The following RAB1B variants were observed in gnomAD, a reference collection of about 807,000 sequenced individuals.
RAB1B encodes the protein ras-related protein Rab-1B.
A neutral mutation model predicts 24.8 loss-of-function variants in RAB1B; 10 were observed. The ratio of observed to expected loss-of-function variants is 0.40; its 90% confidence interval spans 0.25 to 0.68. The LOEUF (loss-of-function observed/expected upper bound fraction) is 0.68, where lower values mean the gene tolerates loss of function less well. Ranked by LOEUF, RAB1B falls within the 30% of genes least tolerant of loss-of-function variation. The pLI, the probability that RAB1B is intolerant of heterozygous loss-of-function variation, is 0.37. For missense variants in RAB1B, 154 were observed against 271.2 expected (o/e 0.57, Z 3.04); for synonymous variants, 99 against 111.7 (o/e 0.89, Z 0.72).
In RAB1B at chr11:66,276,032, C is replaced by T. The variant is rs766913898; in HGVS notation, c.412-12C>T. 1.2e-6 allele frequency: 2 copies of T among 1,611,178 alleles called. No individual in the cohort carries two copies. The highest frequency in any genetic ancestry group is 2.7e-5 in the African/African-American group (2 of 74,878). ...CTTCTCTCCCCTCCTCTTCTCTCCT[C>T]TCCCTTGTCAGGAGTTTGCAGACTC... On this transcript the variant is annotated splice_polypyrimidine_tract_variant and intron_variant, in intron 5 of 5. Coordinates refer to ENST00000311481, the MANE Select transcript of RAB1B (RefSeq NM_030981.3).
intron 4 of RAB1B, 85 bp from the exon 5 acceptor site, chr11:66,275,719 G>C (rs1465146485): frequency 5.4e-5 from 78 of 1,450,918 alleles, no homozygotes; most frequent in Non-Finnish European, 1.2e-5. Context: ...GAGCTGTACT[G>C]TTCCCCTCAG....
In RAB1B at chr11:66,271,955, C is replaced by T; in HGVS notation, c.87+86C>T. On this transcript the variant is annotated intron_variant, in intron 2 of 5. Transcript: ENST00000311481. ...GGGACAACACAGAGCACAGTAGTTGCAAGATCTGGGAACCAGGGGTGAAGC... is the reference window on the plus strand; with the variant it reads ...GGGACAACACAGAGCACAGTAGTTGTAAGATCTGGGAACCAGGGGTGAAGC... 2.6e-6 allele frequency: 3 copies of T among 1,175,470 alleles called. No individual in the cohort carries two copies. The Admixed American group carries it at 5.1e-5, about 20-fold the overall frequency. 72.8% of individuals were successfully genotyped at this position (1,175,470 alleles called of 1,614,324 possible).
At chr11:66,271,195 G>C (rs1302427051) in intron 1 of RAB1B, 2 of 152,042 alleles carry the variant, frequency 1.3e-5, no homozygotes, top group Non-Finnish European at 2.9e-5. Flanking sequence ...AAAATGAAAA[G>C]ATTAGCCAGG....
chr11:66,277,291 C>G lies in RAB1B; in HGVS notation c.*1053C>G, dbSNP rs1242101621. The G allele has an allele frequency of 6.5e-6, 1 of 152,756 alleles. No individual in the cohort carries two copies. Among genetic ancestry groups the G allele is most frequent in the African/African-American group, 2.4e-5 (1 of 41,460 alleles). 9.5% of individuals were successfully genotyped at this position (152,756 alleles called of 1,614,324 possible). A position where few individuals can be genotyped will look rare whatever the true frequency, so the allele number is the denominator to read the frequency against. Reference sequence around the variant, plus strand: ...CCATGTCCCTCGTGCTGTCTCTTGCCTGTCCCACCTGTGCCCTGCCCTCCA... The same window carrying G: ...CCATGTCCCTCGTGCTGTCTCTTGCGTGTCCCACCTGTGCCCTGCCCTCCA... On this transcript the variant is annotated 3_prime_UTR_variant, in exon 6 of 6. Coordinates refer to ENST00000311481, the MANE Select transcript of RAB1B (RefSeq NM_030981.3).
intron 4 of RAB1B, among the ~76,000 whole-genome samples, chr11:66,273,003 T>C (rs1267712745): frequency 6.6e-6 from 1 of 152,174 alleles, no homozygotes; most frequent in Non-Finnish European, 1.5e-5. Flanking sequence ...TGAAACCTTA[T>C]AGTTTACAGA....
At chr11:66,271,707 T>G in intron 1 of RAB1B, 90 bp from the exon 2 acceptor site, 1 of 888,084 alleles carries the variant, frequency 1.1e-6, no homozygotes, top group Non-Finnish European at 1.9e-6. Flanking sequence ...GGATGCCTCA[T>G]GGGGTGGGGG....
intron 4 of RAB1B, 137 bp downstream of exon 4, chr11:66,272,597 G>GA (rs986905001): frequency 1.2e-4 from 66 of 573,280 alleles, no homozygotes; most frequent in African/African-American, 1.1e-3. Flanking sequence ...AACTAACTAG[G>GA]AAAAAGAAAA....
intron 1 of RAB1B, among the ~76,000 whole-genome samples, chr11:66,269,240 C>T (rs1857009774): frequency 6.6e-6 from 1 of 152,232 alleles, no homozygotes; most frequent in East Asian, 1.9e-4. Context: ...TCCGGGGCTG[C>T]CTCCTACCCT....
rs1856981689 is a variant in RAB1B, at chr11:66,268,649, G to A, written c.-31G>A. 2 of 1,560,338 alleles carry A rather than the reference G, an allele frequency of 1.3e-6. No individual in the cohort carries two copies. The highest frequency in any genetic ancestry group is 1.7e-6 in the Non-Finnish European group (2 of 1,154,708). The stretch of plus-strand genomic sequence containing the variant: ...AACGGGAGGCGGAGCAGAGTCGACT[G>A]GGAGCGACCGAGCGGGCCGCCGCCG... On this transcript the variant is annotated 5_prime_UTR_variant, in exon 1 of 6. Coordinates refer to ENST00000311481, the MANE Select transcript of RAB1B (RefSeq NM_030981.3).
intron 1 of RAB1B, chr11:66,271,538 T>A (rs367986565): frequency 1.1e-4 from 29 of 260,100 alleles, no homozygotes; most frequent in East Asian, 5.9e-4. Context: ...GTGGTGGTGG[T>A]GGACACCTGA....
chr11:66,275,997 C>T (rs761384594), intron 5 of RAB1B, 47 bp from the exon 6 acceptor site: 2 of 1,588,432 alleles, frequency 1.3e-6, no homozygotes, highest in South Asian at 2.2e-5. Flanking sequence ...CTCACCTGCT[C>T]TCCCCTCCTC....
chr11:66,271,039 A>G (rs1420482353), intron 1 of RAB1B: 1 of 152,214 alleles, frequency 6.6e-6, no homozygotes, highest in Non-Finnish European at 1.5e-5. Context: ...TCTGGTGAGC[A>G]CCATAGTATT....
chr11:66,276,550 C>A lies in RAB1B; in HGVS notation c.*312C>A, dbSNP rs1217174783. 1 of 341,204 alleles carries A rather than the reference C, an allele frequency of 2.9e-6. No individual in the cohort carries two copies. The allele number at this position is 341,204 out of a possible 1,614,324, so 21.1% of individuals were successfully genotyped here. ...GGAACGAGGGCTCTTCTGTCGGTGT[C>A]CCTCCCACCCCCATGTATGCTGCAC... On this transcript the variant is annotated 3_prime_UTR_variant, in exon 6 of 6. Transcript: ENST00000311481.
At chr11:66,271,333 C>T (rs1169184040) in intron 1 of RAB1B, 1 of 155,932 alleles carries the variant, frequency 6.4e-6, no homozygotes, top group East Asian at 1.9e-4. Context: ...ACTAAAAATA[C>T]AAAACTTAGA....
intron 4 of RAB1B, 103 bp downstream of exon 4, chr11:66,272,563 G>A (rs1001863620): frequency 6.3e-6 from 5 of 789,638 alleles, no homozygotes; most frequent in African/African-American, 5.2e-5. Flanking sequence ...TTCCTGGAAA[G>A]GACACTATTT....
Position 66,277,029 on chromosome 11 carries a change from C to T in RAB1B, c.*791C>T, listed in dbSNP as rs1017849782. Reference sequence around the variant, plus strand: ...GGCTGGGCACCAGCCTTAACCCTCACTCTGCTAGCACCTCCTCCCTTTCCC... The same window carrying T: ...GGCTGGGCACCAGCCTTAACCCTCATTCTGCTAGCACCTCCTCCCTTTCCC... On this transcript the variant is annotated 3_prime_UTR_variant, in exon 6 of 6. Coordinates refer to ENST00000311481, the MANE Select transcript of RAB1B (RefSeq NM_030981.3). 6.5e-5 allele frequency: 10 copies of T among 152,880 alleles called. No homozygotes were observed. The highest frequency in any genetic ancestry group is 1.3e-4 in the Non-Finnish European group (9 of 68,192). The allele number at this position is 152,880 out of a possible 1,614,324, so 9.5% of individuals were successfully genotyped here. A position where few individuals can be genotyped will look rare whatever the true frequency, so the allele number is the denominator to read the frequency against.
At chr11:66,274,672 A>G (rs575210647) in intron 4 of RAB1B, among the ~76,000 whole-genome samples, 5 of 151,584 alleles carry the variant, frequency 3.3e-5, no homozygotes, top group Non-Finnish European at 7.4e-5. Flanking sequence ...TAGCCATGCT[A>G]AGACAGTCTG....
At chr11:66,269,142 C>T (rs945888346) in intron 1 of RAB1B, among the ~76,000 whole-genome samples, 1 of 152,100 alleles carries the variant, frequency 6.6e-6, no homozygotes, top group Admixed American at 6.5e-5. Context: ...CTCCTGAAGC[C>T]CGGCTCCTGG....
intron 4 of RAB1B, among the ~76,000 whole-genome samples, chr11:66,275,320 G>A (rs1159512153): frequency 6.6e-6 from 1 of 152,162 alleles, no homozygotes; most frequent in Non-Finnish European, 1.5e-5. Flanking sequence ...CTGTTCCCAG[G>A]ATTCCTGTCT....
Sources: gnomAD v4.1 joint callset for allele counts (sites outside exome capture counted in the v4.1 genomes callset) on GRCh38, gnomAD v4.1.1 for gene constraint, MANE v1.5 for transcripts, NCBI Gene and HGNC (gene_info 2026-07-23, HGNC 2026-07-21) for gene names.